Variants in JAML observed in about 807,000 individuals in gnomAD.
JAML encodes the protein junctional adhesion molecule-like.
A neutral mutation model predicts 39.3 loss-of-function variants in JAML; 25 were observed. The observed-to-expected ratio is 0.64, with a 90% CI of 0.46 to 0.89. JAML has a LOEUF of 0.89. JAML is among the 40% of genes least tolerant of loss of function. The pLI is 0.00. For synonymous variants in JAML, 162 were observed against 179.2 expected (o/e 0.90, Z 0.77); for missense variants, 440 against 486.9 (o/e 0.90, Z 0.91).
At chr11:118,214,255 T>C (rs1310152921) in intron 2 of JAML, among the ~76,000 whole-genome samples, 1 of 152,098 alleles carries the variant, frequency 6.6e-6, no homozygotes. Context: ...CAATCTGGTC[T>C]GAGGAGATGG....
chr11:118,224,974 C>T lies in JAML; in HGVS notation c.-54G>A, dbSNP rs1337681499. ...AAGAGCACCCAGGGGAGGCAATGCACTGAAATCTCCCCACAGCTGCAGTCC... is the reference window on the plus strand; with the variant it reads ...AAGAGCACCCAGGGGAGGCAATGCATTGAAATCTCCCCACAGCTGCAGTCC... On this transcript the variant is annotated 5_prime_UTR_variant, in exon 1 of 10. In the 5' UTR this introduces an upstream ATG that the reference lacks. Transcript: ENST00000356289. 6.6e-6 allele frequency: 1 copy of T among 152,246 alleles called. No homozygotes were observed. The highest frequency in any genetic ancestry group is 1.5e-5 in the Non-Finnish European group (1 of 68,054). 9.4% of individuals were successfully genotyped at this position (152,246 alleles called of 1,614,324 possible).
chr11:118,204,931 T>A (rs1212671873), intron 5 of JAML: 4 of 152,184 alleles, frequency 2.6e-5, no homozygotes, highest in Non-Finnish European at 4.4e-5. Context: ...CAAACATGAA[T>A]GAAGTGACCT....
At position 118,200,770 on chromosome 11, in the gene JAML, G is replaced by T. The variant is rs1158156951; in HGVS notation, c.773-158C>A. 15 of 746,988 alleles carry T rather than the reference G, an allele frequency of 2.0e-5. No homozygotes were observed. The Admixed American group carries it at 3.8e-4, about 19-fold the overall frequency. 46.3% of individuals were successfully genotyped at this position (746,988 alleles called of 1,614,324 possible). Reference sequence around the variant, plus strand: ...GACACTAGGGACACTGTCTCCATGAGATTGAGAACCAAAGTCTAACCCCCT... The same window carrying T: ...GACACTAGGGACACTGTCTCCATGATATTGAGAACCAAAGTCTAACCCCCT... On this transcript the variant is annotated intron_variant, in intron 6 of 9. Coordinates refer to ENST00000356289, the MANE Select transcript of JAML (RefSeq NM_001098526.2).
intron 1 of JAML, among the ~76,000 whole-genome samples, chr11:118,217,157 T>C (rs1159985216): frequency 6.6e-6 from 1 of 152,234 alleles, no homozygotes; most frequent in African/African-American, 2.4e-5. Flanking sequence ...ACGTGCCTTA[T>C]TTAGATGTGT....
Position 118,224,431 on chromosome 11 carries a change from T to C in JAML, c.-21+510A>G, listed in dbSNP as rs537902156. Reference sequence around the variant, plus strand: ...ATAATGGGGAGAAGAAAAACAGTGGTATAACTATGTAAAATGATGGATATA... The same window carrying C: ...ATAATGGGGAGAAGAAAAACAGTGGCATAACTATGTAAAATGATGGATATA... On this transcript the variant is annotated intron_variant, in intron 1 of 9. Coordinates refer to ENST00000356289, the MANE Select transcript of JAML (RefSeq NM_001098526.2). Among the ~76,000 whole-genome samples the C allele has an allele frequency of 6.6e-5, 10 of 152,338 alleles. No individual in the cohort carries two copies. In the East Asian group the frequency reaches 1.9e-3, roughly 29 times the overall value.
chr11:118,203,050 C>G, intron 6 of JAML: 1 of 466,784 alleles, frequency 2.1e-6, no homozygotes, highest in East Asian at 6.7e-5. Flanking sequence ...TCCACTCTAA[C>G]ACATACAGCA....
At chr11:118,224,681 T>G (rs1369430147) in intron 1 of JAML, among the ~76,000 whole-genome samples, 1 of 152,180 alleles carries the variant, frequency 6.6e-6, no homozygotes, top group Non-Finnish European at 1.5e-5. Flanking sequence ...CTTGTCATAA[T>G]CATTGTCACG....
At chr11:118,203,124 A>G (rs968410958) in intron 6 of JAML, 2 of 539,044 alleles carry the variant, frequency 3.7e-6, no homozygotes, top group Non-Finnish European at 7.1e-6. Flanking sequence ...GAGCTTCTGT[A>G]TCTTTACATC....
At chr11:118,218,467 G>A (rs188357611) in intron 1 of JAML, among the ~76,000 whole-genome samples, 13 of 152,150 alleles carry the variant, frequency 8.5e-5, no homozygotes, top group African/African-American at 2.9e-4. Context: ...ATTTATTTGT[G>A]TGCTCATTTA....
Position 118,205,871 on chromosome 11 carries a change from C to T in JAML, c.534+11G>A, listed in dbSNP as rs1317832006. The T allele has an allele frequency of 2.5e-6, 4 of 1,609,444 alleles. No homozygotes were observed. In the South Asian group the frequency reaches 3.3e-5, roughly 13 times the overall value. ...GCCTTCTCTAACACAGTGATGTTTC[C>T]TCCTTGTTACCTTTGCGCGCCGTCC... On this transcript the variant is annotated intron_variant, in intron 5 of 9. Coordinates refer to ENST00000356289, the MANE Select transcript of JAML (RefSeq NM_001098526.2).
At chr11:118,224,494 C>T (rs1334320586) in intron 1 of JAML, among the ~76,000 whole-genome samples, 1 of 152,164 alleles carries the variant, frequency 6.6e-6, no homozygotes, top group Admixed American at 6.5e-5. Context: ...TTACTATCTA[C>T]ATGCATCCCA....
At position 118,196,724 on chromosome 11, in the gene JAML, A is replaced by C. The variant is rs1351192777; in HGVS notation, c.1092+11T>G. The C allele has an allele frequency of 6.2e-7, 1 of 1,604,208 alleles. No individual in the cohort carries two copies. Among genetic ancestry groups the C allele is most frequent in the African/African-American group, 1.3e-5 (1 of 74,700 alleles). On this transcript the variant is annotated intron_variant, in intron 9 of 9. Coordinates refer to ENST00000356289, the MANE Select transcript of JAML (RefSeq NM_001098526.2). ...GACACCTGGCTCAGCTGAGGCCAGAATCATTCTCACCATGGTCATGTAGGT... is the reference window on the plus strand; with the variant it reads ...GACACCTGGCTCAGCTGAGGCCAGACTCATTCTCACCATGGTCATGTAGGT...
In JAML at chr11:118,196,747, G is replaced by C. The variant is rs764658369; in HGVS notation, c.1080C>G (p.Thr360=). ...EEEPSEKSEA[T]YMTMHPVWPS... ...GAATCATTCTCACCATGGTCATGTAGGTGGCCTCTGATTTTTCACTTGGTT... is the reference window on the plus strand; with the variant it reads ...GAATCATTCTCACCATGGTCATGTACGTGGCCTCTGATTTTTCACTTGGTT... The change falls in exon 9 of 10, where the codon ACC becomes ACG. Residue 360 remains threonine, a synonymous_variant. Transcript: ENST00000356289. 3 of 1,609,922 alleles carry C rather than the reference G, an allele frequency of 1.9e-6. No individual in the cohort carries two copies. The highest frequency in any genetic ancestry group is 2.7e-5 in the African/African-American group (2 of 74,796).
At chr11:118,213,284 T>C in intron 2 of JAML, 2 of 1,103,670 alleles carry the variant, frequency 1.8e-6, no homozygotes, top group Non-Finnish European at 2.2e-6. Flanking sequence ...AGATATGCTC[T>C]ATGCAAAGAG....
rs755282489 is a variant in JAML at position 118,196,788 on chromosome 11, C to A, written c.1039G>T (p.Val347Leu). 1 of 1,612,776 alleles carries A rather than the reference C, an allele frequency of 6.2e-7. No individual in the cohort carries two copies. Among genetic ancestry groups the A allele is most frequent in the Non-Finnish European group, 8.5e-7 (1 of 1,178,828 alleles). The change falls in exon 9 of 10, where the codon GTG (valine) becomes TTG (leucine). Residue 347 changes from valine (V) to leucine (L), a missense_variant. Coordinates refer to ENST00000356289, the MANE Select transcript of JAML (RefSeq NM_001098526.2). ...TCACTTGGTTCTTCTTCCTCGATCA[C>A]CTCCCGTACAATTATTGGGGAGTAA... Reference protein sequence around the residue: ...HIYSPIIVREVIEEEEPSEKS... With the variant: ...HIYSPIIVRELIEEEEPSEKS...
At chr11:118,211,823 C>T (rs1392523912) in intron 3 of JAML, among the ~76,000 whole-genome samples, 1 of 152,100 alleles carries the variant, frequency 6.6e-6, no homozygotes, top group East Asian at 1.9e-4. Flanking sequence ...GAAAGAACCT[C>T]GCCCACCATG....
At chr11:118,205,669 A>G (rs1948900250) in intron 5 of JAML, 1 of 547,272 alleles carries the variant, frequency 1.8e-6, no homozygotes, top group African/African-American at 1.9e-5. Context: ...ATCGGCATCC[A>G]AAAAGTTAAG....
chr11:118,216,084 T>G (rs1359960273), intron 1 of JAML, among the ~76,000 whole-genome samples: 2 of 152,134 alleles, frequency 1.3e-5, no homozygotes, highest in Non-Finnish European at 2.9e-5. Flanking sequence ...TAAACATTGA[T>G]TACTTGGCCG....
At chr11:118,206,513 A>C (rs1174163424) in intron 4 of JAML, among the ~76,000 whole-genome samples, 1 of 152,152 alleles carries the variant, frequency 6.6e-6, no homozygotes, top group Non-Finnish European at 1.5e-5. Flanking sequence ...TGACTCTCCC[A>C]ACTAAAAAAA....
Sources: allele counts gnomAD v4.1 joint callset (sites outside exome capture counted in the v4.1 genomes callset), GRCh38; gene constraint gnomAD v4.1.1; transcripts MANE v1.5; gene names NCBI Gene and HGNC (gene_info 2026-07-23, HGNC 2026-07-21).